Variants in NFATC3 observed in about 807,000 individuals in gnomAD.
The protein encoded by NFATC3 is nuclear factor of activated T-cells, cytoplasmic 3.
A neutral mutation model predicts 98.6 loss-of-function variants in NFATC3; 46 were observed. The observed-to-expected ratio is 0.47, with a 90% CI of 0.37 to 0.60. The LOEUF is 0.60. NFATC3 is among the 20% of genes least tolerant of loss of function. The probability of loss-of-function intolerance (pLI) is 0.00; values close to 1 mark genes in which losing one functional copy is unlikely to be tolerated. For synonymous variants in NFATC3, 512 were observed against 472.2 expected (o/e 1.08, Z -1.09); for missense variants, 1,256 against 1,295.5 (o/e 0.97, Z 0.47).
At chr16:68,169,877 G>T (rs2039377004) in intron 5 of NFATC3, among the ~76,000 whole-genome samples, 2 of 151,678 alleles carry the variant, frequency 1.3e-5, no homozygotes, top group Admixed American at 1.3e-4. Context: ...GGAGGCGGAG[G>T]TTGCAGTGAG....
At chr16:68,175,596 G>C (rs73612213) in intron 6 of NFATC3, among the ~76,000 whole-genome samples, 5,851 of 151,416 alleles carry the variant, frequency 0.039, 370 homozygotes, top group African/African-American at 0.14. Context: ...GACTTGTTCT[G>C]TTGGCTAGGC....
intron 7 of NFATC3, among the ~76,000 whole-genome samples, chr16:68,182,282 G>C (rs959238451): frequency 1.3e-5 from 2 of 152,130 alleles, no homozygotes; most frequent in African/African-American, 4.8e-5. Flanking sequence ...AGCTTTCTAG[G>C]ATTCTACATT....
chr16:68,183,137 T>G, intron 7 of NFATC3, 103 bp from the exon 8 acceptor site: 1 of 1,188,612 alleles, frequency 8.4e-7, no homozygotes, highest in South Asian at 1.6e-5. Context: ...CATAATTATC[T>G]ATGCTGGAGC....
intron 1 of NFATC3, among the ~76,000 whole-genome samples, chr16:68,117,917 A>G (rs1162411068): frequency 6.6e-6 from 1 of 152,176 alleles, no homozygotes; most frequent in African/African-American, 2.4e-5. Context: ...TCTCATATAT[A>G]ATAGAAATCA....
intron 7 of NFATC3, 29 bp from the exon 8 acceptor site, chr16:68,183,211 T>C (rs766953665): frequency 1.3e-6 from 2 of 1,553,364 alleles, no homozygotes; most frequent in Non-Finnish European, 1.7e-6. Context: ...TAGTTCTGAG[T>C]GTAACACAAT....
chr16:68,159,407 T>TC (rs1452097698), intron 4 of NFATC3, among the ~76,000 whole-genome samples: 2 of 151,002 alleles, frequency 1.3e-5, no homozygotes, highest in African/African-American at 2.4e-5. Flanking sequence ...TTTCTTTCTT[T>TC]TTTTTTTTTT....
intron 3 of NFATC3, among the ~76,000 whole-genome samples, chr16:68,137,770 C>T (rs944059554): frequency 9.2e-5 from 14 of 151,898 alleles, no homozygotes; most frequent in South Asian, 2.1e-4. Flanking sequence ...CCCGCCACCA[C>T]GCCCAGCTAA....
intron 3 of NFATC3, among the ~76,000 whole-genome samples, chr16:68,132,032 C>T (rs540921606): frequency 1.3e-5 from 2 of 152,296 alleles, no homozygotes; most frequent in African/African-American, 4.8e-5. Context: ...AATCAGGTAT[C>T]ACTTCCACTT....
At chr16:68,192,026 G>T (rs912171499) in intron 9 of NFATC3, 7 of 393,724 alleles carry the variant, frequency 1.8e-5, no homozygotes, top group Non-Finnish European at 2.8e-5. Flanking sequence ...GGCCAACATG[G>T]TGTAACGCTG....
Position 68,191,286 on chromosome 16 carries a change from G to A in NFATC3, c.2617G>A (p.Val873Met). 1 of 1,614,072 alleles carries A rather than the reference G, an allele frequency of 6.2e-7. No homozygotes were observed. Residue 873 changes from valine to methionine, a missense_variant, in exon 9 of 10, where the codon GTG (valine) becomes ATG (methionine). By Grantham distance (21) the Val-to-Met change is conservative. Coordinates refer to ENST00000346183, the MANE Select transcript of NFATC3 (RefSeq NM_173165.3). ...TCTCTTAGCCCATACACCTCATTCT[G>A]TGCATACCCTGCCTCATCTGCAATC... The part of the protein sequence containing the change: ...GHLLAHTPHS[V>M]HTLPHLQSMG...
chr16:68,131,865 A>G (rs1215898161), intron 3 of NFATC3, among the ~76,000 whole-genome samples: 4 of 152,122 alleles, frequency 2.6e-5, no homozygotes, highest in Non-Finnish European at 5.9e-5. Context: ...CTGAGAATTT[A>G]AAATCCTCAG....
At position 68,085,394 on chromosome 16, in the gene NFATC3, G is replaced by C. The variant is rs2034305703; in HGVS notation, c.-288G>C. On this transcript the variant is annotated 5_prime_UTR_variant, in exon 1 of 10. Transcript: ENST00000346183. ...CAGGGCGCGAGAGCGCACCCGCGGCGGCGGTGGCGGCGACTGTGGGGGGGC... is the reference window on the plus strand; with the variant it reads ...CAGGGCGCGAGAGCGCACCCGCGGCCGCGGTGGCGGCGACTGTGGGGGGGC... The C allele has an allele frequency of 4.6e-6, 1 of 218,108 alleles. No homozygotes were observed. The highest frequency in any genetic ancestry group is 8.9e-6 in the Non-Finnish European group (1 of 111,802). 13.5% of individuals were successfully genotyped at this position (218,108 alleles called of 1,614,324 possible).
At chr16:68,138,878 T>A in intron 3 of NFATC3, 4 of 964,134 alleles carry the variant, frequency 4.1e-6, no homozygotes, top group Non-Finnish European at 4.0e-6. Flanking sequence ...CCAGACTGTT[T>A]TGGTTGAATC....
chr16:68,119,774 A>T (rs2036474506), intron 1 of NFATC3, among the ~76,000 whole-genome samples: 1 of 152,126 alleles, frequency 6.6e-6, no homozygotes, highest in African/African-American at 2.4e-5. Context: ...GACATATTTT[A>T]CTAGAATGTA....
chr16:68,194,284 A>G (rs78726725), intron 9 of NFATC3, among the ~76,000 whole-genome samples: 1,552 of 152,248 alleles, frequency 0.01, 29 homozygotes, highest in African/African-American at 0.036. Flanking sequence ...AGGTTTTTCT[A>G]ATTCCTGGAG....
At chr16:68,159,006 C>T (rs889005624) in intron 4 of NFATC3, among the ~76,000 whole-genome samples, 20 of 152,144 alleles carry the variant, frequency 1.3e-4, no homozygotes, top group African/African-American at 3.6e-4. Flanking sequence ...CCAAGGCAGG[C>T]GGATCACCTG....
intron 9 of NFATC3, among the ~76,000 whole-genome samples, chr16:68,206,155 A>G (rs1332726178): frequency 6.6e-6 from 1 of 152,194 alleles, no homozygotes. Context: ...AAAGTCCTCT[A>G]AGTCTTGCTT....
At position 68,131,963 on chromosome 16, in the gene NFATC3, A is replaced by C. The variant is rs927390247; in HGVS notation, c.1401+5353A>C. Among the ~76,000 whole-genome samples the C allele has an allele frequency of 3.9e-5, 6 of 152,188 alleles. 1 individual carries two copies. ...AAAAAATGTCGTCTCAGAAGTGGGC[A>C]TATACTGGTATAGTGTTCCATACAT... On this transcript the variant is annotated intron_variant, in intron 3 of 9. Coordinates refer to ENST00000346183, the MANE Select transcript of NFATC3 (RefSeq NM_173165.3).
At chr16:68,214,207 A>G in intron 9 of NFATC3, 1 of 643,594 alleles carries the variant, frequency 1.6e-6, no homozygotes, top group Non-Finnish European at 2.7e-6. Flanking sequence ...GCAGTGATTG[A>G]CAAGTAAAAG....
Sources: allele counts gnomAD v4.1 joint callset (sites outside exome capture counted in the v4.1 genomes callset), GRCh38; gene constraint gnomAD v4.1.1; transcripts MANE v1.5; gene names NCBI Gene and HGNC (gene_info 2026-07-23, HGNC 2026-07-21).